The following COL28A1 variants were observed in gnomAD, a reference collection of about 807,000 sequenced individuals.
COL28A1 encodes the protein collagen type XXVIII alpha 1 chain, also known as collagen alpha-1(XXVIII) chain.
COL28A1 carries 161 observed loss-of-function variants against 150.2 expected under a neutral mutation model. The ratio of observed to expected loss-of-function variants is 1.07; its 90% CI spans 0.94 to 1.22. The LOEUF is 1.22. Among genes scored for constraint, COL28A1 ranks in the 50% most tolerant of loss-of-function variants. COL28A1 has a pLI of 0.00. For synonymous variants in COL28A1, 552 were observed against 469.7 expected (o/e 1.18, Z -2.26); for missense variants, 1,617 against 1,388.3 (o/e 1.16, Z -2.62).
chr7:7,402,439 T>C (rs1051969228), intron 27 of COL28A1, among the ~76,000 whole-genome samples: 3 of 152,238 alleles, frequency 2.0e-5, no homozygotes, highest in Non-Finnish European at 2.9e-5. Context: ...TACTTTTATC[T>C]CAAATACAAT....
the COL28A1 span, among the ~76,000 whole-genome samples, chr7:7,543,032 G>A: frequency 3.5e-4 from 54 of 152,268 alleles, no homozygotes; most frequent in African/African-American, 1.3e-3. Flanking sequence ...ATATACATAC[G>A]TAAGTTTATC....
At chr7:7,449,953 A>G (rs1786557406) in intron 18 of COL28A1, among the ~76,000 whole-genome samples, 2 of 152,156 alleles carry the variant, frequency 1.3e-5, no homozygotes, top group South Asian at 4.1e-4. Context: ...CAACCCTAAA[A>G]CATGTATCTT....
the COL28A1 span, among the ~76,000 whole-genome samples, chr7:7,341,795 G>A: frequency 4.7e-3 from 708 of 152,064 alleles, 6 homozygotes; most frequent in African/African-American, 0.016. Flanking sequence ...TAACTACATT[G>A]TTGTCAGAGA....
At chr7:7,531,267 C>T in intron 3 of COL28A1, 81 bp downstream of exon 3, 1 of 595,880 alleles carries the variant, frequency 1.7e-6, no homozygotes, top group Non-Finnish European at 3.0e-6. Flanking sequence ...CTTTTTGACC[C>T]AGTATCTCTT....
intron 15 of COL28A1, among the ~76,000 whole-genome samples, chr7:7,474,056 C>CTCTATATATATGGAATATATA (rs1554281215): frequency 8.5e-4 from 119 of 139,966 alleles, no homozygotes; most frequent in African/African-American, 3.0e-3. Flanking sequence ...ACTATATACT[C>CTCTATATATATGGAATATATA]TATATATATA....
intron 8 of COL28A1, among the ~76,000 whole-genome samples, chr7:7,511,386 A>C (rs1781127144): frequency 6.6e-6 from 1 of 152,222 alleles, no homozygotes; most frequent in Non-Finnish European, 1.5e-5. Context: ...CATTTTTAAG[A>C]AATGGATGAA....
At chr7:7,509,355 T>G (rs1780998441) in intron 9 of COL28A1, among the ~76,000 whole-genome samples, 1 of 152,192 alleles carries the variant, frequency 6.6e-6, no homozygotes. Context: ...ACTCCTGGAC[T>G]CAAGTGATCC....
At chr7:7,504,780 A>G (rs188138693) in intron 11 of COL28A1, among the ~76,000 whole-genome samples, 245 of 152,288 alleles carry the variant, frequency 1.6e-3, no homozygotes, top group African/African-American at 5.4e-3. Context: ...TGGCTCAAAC[A>G]TTCTATAATT....
intron 27 of COL28A1, among the ~76,000 whole-genome samples, chr7:7,389,221 C>T (rs950254948): frequency 2.6e-5 from 4 of 152,094 alleles, no homozygotes; most frequent in African/African-American, 9.7e-5. Flanking sequence ...ATATGACTAG[C>T]CAGTTTTCCC....
intron 25 of COL28A1, among the ~76,000 whole-genome samples, chr7:7,421,411 A>G (rs1475245433): frequency 6.6e-6 from 1 of 152,202 alleles, no homozygotes; most frequent in African/African-American, 2.4e-5. Flanking sequence ...ATTTACTTAA[A>G]GAACCATTGA....
intron 27 of COL28A1, among the ~76,000 whole-genome samples, chr7:7,397,157 C>T (rs1388976458): frequency 6.6e-6 from 1 of 152,174 alleles, no homozygotes; most frequent in Non-Finnish European, 1.5e-5. Flanking sequence ...AAGGTGTCAA[C>T]AGGGCTGGTT....
At chr7:7,407,669 T>C (rs1783561368) in intron 27 of COL28A1, among the ~76,000 whole-genome samples, 1 of 152,034 alleles carries the variant, frequency 6.6e-6, no homozygotes, top group Admixed American at 6.6e-5. Flanking sequence ...AGTAGACTTT[T>C]ACCAAAAAAA....
At chr7:7,364,826 TTCTC>T (rs140936625) in intron 33 of COL28A1, among the ~76,000 whole-genome samples, 2,240 of 152,290 alleles carry the variant, frequency 0.015, 19 homozygotes, top group Non-Finnish European at 0.025. Flanking sequence ...CTTTTCTTCT[TTCTC>T]TACCTCTTTT....
chr7:7,482,106 A>C (rs1779357435), intron 13 of COL28A1, among the ~76,000 whole-genome samples: 1 of 152,254 alleles, frequency 6.6e-6, no homozygotes, highest in Admixed American at 6.5e-5. Flanking sequence ...GGTAGTGAAA[A>C]GAGAGTAGTA....
intron 23 of COL28A1, among the ~76,000 whole-genome samples, chr7:7,433,174 A>G (rs1252753917): frequency 6.6e-6 from 1 of 152,202 alleles, no homozygotes; most frequent in Non-Finnish European, 1.5e-5. Flanking sequence ...AAAAACTTTT[A>G]GTAACAGCCC....
chr7:7,374,686 T>C (rs1273432292), intron 31 of COL28A1, among the ~76,000 whole-genome samples: 1 of 152,114 alleles, frequency 6.6e-6, no homozygotes, highest in Non-Finnish European at 1.5e-5. Flanking sequence ...CATCAGGAAA[T>C]CATGTGCTAT....
At chr7:7,365,910 A>G (rs1379670553) in intron 33 of COL28A1, among the ~76,000 whole-genome samples, 1 of 152,124 alleles carries the variant, frequency 6.6e-6, no homozygotes, top group African/African-American at 2.4e-5. Context: ...TCAAATACTT[A>G]AACTGAAGGT....
intron 13 of COL28A1, among the ~76,000 whole-genome samples, chr7:7,483,051 G>A (rs117541465): frequency 6.6e-6 from 1 of 152,296 alleles, no homozygotes; most frequent in Non-Finnish European, 1.5e-5. Flanking sequence ...TAGACAGACA[G>A]TCTCCAACTT....
chr7:7,437,167 G>A (rs1375374122), intron 22 of COL28A1, among the ~76,000 whole-genome samples: 5 of 152,168 alleles, frequency 3.3e-5, no homozygotes, highest in Admixed American at 2.0e-4. Flanking sequence ...TTTGGAAGAC[G>A]TAATGAAGGG....
Sources: gnomAD v4.1 joint callset for allele counts (sites outside exome capture counted in the v4.1 genomes callset) on GRCh38, gnomAD v4.1.1 for gene constraint, MANE v1.5 for transcripts, NCBI Gene and HGNC (gene_info 2026-07-23, HGNC 2026-07-21) for gene names.